PYROXD2: variants seen among roughly 807,000 people sequenced by gnomAD.
The protein encoded by PYROXD2 is pyridine nucleotide-disulfide oxidoreductase domain-containing protein 2.
A neutral mutation model predicts 71.1 loss-of-function variants in PYROXD2; 69 were observed. That is an observed-to-expected ratio of 0.97 (90% CI 0.80 to 1.19). PYROXD2 has a LOEUF of 1.19. Ranked by LOEUF, PYROXD2 falls within the 50% of genes most tolerant of loss-of-function variation. PYROXD2 has a pLI of 0.00. For missense variants in PYROXD2, 745 were observed against 748.9 expected, an observed-to-expected ratio of 0.99 and a Z score of 0.06; for synonymous variants, 287 against 302.7, an observed-to-expected ratio of 0.95 and a Z score of 0.54.
At chr10:98,385,494 C>T (rs1842721255) in intron 14 of PYROXD2, among the ~76,000 whole-genome samples, 1 of 152,274 alleles carries the variant, frequency 6.6e-6, no homozygotes, top group Admixed American at 6.5e-5. Context: ...GAATGGCAGA[C>T]AAGGGGCAAC....
At chr10:98,405,108 C>G (rs762154428) in intron 4 of PYROXD2, among the ~76,000 whole-genome samples, 6 of 152,184 alleles carry the variant, frequency 3.9e-5, no homozygotes, top group Admixed American at 2.6e-4. Flanking sequence ...CTCCACACCC[C>G]CTTCTCCACC....
In PYROXD2 at chr10:98,397,318, T is replaced by C. The variant is rs775162309; in HGVS notation, c.625+27A>G. 3 of 1,554,856 alleles carry C rather than the reference T, an allele frequency of 1.9e-6. No individual in the cohort carries two copies. The South Asian group carries it at 3.6e-5, about 19-fold the overall frequency. The stretch of plus-strand genomic sequence containing the variant: ...TCACCTCCTTGAAGGTCACTCATCA[T>C]GCCCTGGTGCCTGCACTTGGACTTA... On this transcript the variant is annotated intron_variant, in intron 6 of 15. Coordinates refer to ENST00000370575, the MANE Select transcript of PYROXD2 (RefSeq NM_032709.3).
At chr10:98,392,727 C>T (rs914483955) in intron 9 of PYROXD2, among the ~76,000 whole-genome samples, 161 bp from the exon 10 acceptor site, 6 of 152,214 alleles carry the variant, frequency 3.9e-5, no homozygotes, top group African/African-American at 1.4e-4. Flanking sequence ...GCCTCAGCTT[C>T]TCCATGAAAC....
chr10:98,386,217 G>A (rs529835927), intron 14 of PYROXD2, among the ~76,000 whole-genome samples: 354 of 151,804 alleles, frequency 2.3e-3, no homozygotes, highest in Non-Finnish European at 4.5e-3. Flanking sequence ...AGAGGTCGAG[G>A]CTGCAGTGAG....
chr10:98,401,653 T>C (rs919508025), intron 4 of PYROXD2, among the ~76,000 whole-genome samples: 9 of 152,210 alleles, frequency 5.9e-5, no homozygotes. Context: ...TTTCTGTTTT[T>C]AAAATTTTTT....
At chr10:98,413,107 A>G (rs923267487) in intron 1 of PYROXD2, among the ~76,000 whole-genome samples, 11 of 152,226 alleles carry the variant, frequency 7.2e-5, no homozygotes, top group South Asian at 4.1e-4. Context: ...CTCTATGTAC[A>G]TATCTGCATG....
Position 98,390,273 on chromosome 10 carries a change from C to T in PYROXD2, c.1292+325G>A, listed in dbSNP as rs111785903. ...GACTCGGTGAGTGCGTGCTCTCTGA[C>T]GGGCTCTGAATGAGAGAACTTCCTT... On this transcript the variant is annotated intron_variant, in intron 12 of 15. Transcript: ENST00000370575. 4.2e-3 allele frequency among the ~76,000 whole-genome samples: 646 copies of T among 152,246 alleles called. 2 individuals are homozygous for T. The highest frequency in any genetic ancestry group is 0.015 in the African/African-American group (618 of 41,536).
At chr10:98,396,462 A>G (rs1258832471) in intron 6 of PYROXD2, among the ~76,000 whole-genome samples, 1 of 150,894 alleles carries the variant, frequency 6.6e-6, no homozygotes, top group Non-Finnish European at 1.5e-5. Context: ...GACATGTGGG[A>G]AACAAATGAT....
At chr10:98,388,235 C>T (rs1477024856) in intron 13 of PYROXD2, 119 bp downstream of exon 13, 6 of 994,280 alleles carry the variant, frequency 6.0e-6, no homozygotes, top group East Asian at 5.0e-5. Context: ...TGACTATTTC[C>T]TCCCTTTGGA....
At chr10:98,394,500 G>C (rs1843078188) in intron 8 of PYROXD2, among the ~76,000 whole-genome samples, 1 of 151,328 alleles carries the variant, frequency 6.6e-6, no homozygotes, top group African/African-American at 2.4e-5. Flanking sequence ...GTATCTTCTG[G>C]TGCACTGGAA....
chr10:98,394,435 C>T (rs1290011742), intron 8 of PYROXD2, among the ~76,000 whole-genome samples: 2 of 152,060 alleles, frequency 1.3e-5, no homozygotes, highest in South Asian at 2.1e-4. Context: ...CGAGGGTGTG[C>T]TCATCCCTTG....
rs149674029 is a variant in PYROXD2, at chr10:98,393,849, C to G, written c.786-766G>C. On this transcript the variant is annotated intron_variant, in intron 8 of 15. Coordinates refer to ENST00000370575, the MANE Select transcript of PYROXD2 (RefSeq NM_032709.3). ...CAGCCTCATCCCTCATCCTGTCCCC[C>G]TATCCATATCCCATCCTCCTAACTA... Among the ~76,000 whole-genome samples, 9 of 152,266 alleles carry G rather than the reference C, an allele frequency of 5.9e-5. No homozygotes were observed. The East Asian group carries it at 1.5e-3, about 26-fold the overall frequency.
At chr10:98,403,087 C>T (rs574749966) in intron 4 of PYROXD2, among the ~76,000 whole-genome samples, 1 of 152,288 alleles carries the variant, frequency 6.6e-6, no homozygotes, top group East Asian at 1.9e-4. Flanking sequence ...GCAGGCTCGC[C>T]GCAGCTCTGG....
At chr10:98,387,417 G>T in intron 13 of PYROXD2, 110 bp from the exon 14 acceptor site, 1 of 705,704 alleles carries the variant, frequency 1.4e-6, no homozygotes, top group Non-Finnish European at 2.4e-6. Flanking sequence ...CACAGAAATG[G>T]GCTTATTTTA....
intron 14 of PYROXD2, 142 bp downstream of exon 14, chr10:98,387,059 C>T: frequency 3.3e-6 from 2 of 604,602 alleles, no homozygotes; most frequent in Non-Finnish European, 5.7e-6. Context: ...TCTGCCCTCT[C>T]TCAGCCGGGG....
At chr10:98,396,010 G>T (rs1278083991) in intron 6 of PYROXD2, among the ~76,000 whole-genome samples, 1 of 152,170 alleles carries the variant, frequency 6.6e-6, no homozygotes, top group African/African-American at 2.4e-5. Flanking sequence ...CTCAATAAAT[G>T]TTTTTTGCCT....
At position 98,410,962 on chromosome 10, in the gene PYROXD2, C is replaced by T. The variant is rs1178726939; in HGVS notation, c.128-4G>A. 4 of 1,562,960 alleles carry T rather than the reference C, an allele frequency of 2.6e-6. No individual in the cohort carries two copies. In the South Asian group the frequency reaches 4.7e-5, roughly 18 times the overall value. On this transcript the variant is annotated splice_polypyrimidine_tract_variant and splice_region_variant and intron_variant, in intron 1 of 15. Transcript: ENST00000370575. ...ACAGCCACCAGTCCGTTGTGTCCTG[C>T]AACAAAACGGGACAGGGAAGGAAAA...
chr10:98,393,116 G>A, intron 8 of PYROXD2, 33 bp from the exon 9 acceptor site: 3 of 1,483,446 alleles, frequency 2.0e-6, no homozygotes, highest in Non-Finnish European at 2.7e-6. Context: ...AGATCCTGGA[G>A]GTGGGATCTC....
intron 2 of PYROXD2, among the ~76,000 whole-genome samples, chr10:98,410,453 GTC>G (rs1234230650): frequency 6.6e-6 from 1 of 152,176 alleles, no homozygotes; most frequent in Non-Finnish European, 1.5e-5. Context: ...GCTCCTCAAT[GTC>G]TCCAGGGCAC....
Sources: gnomAD v4.1 joint callset for allele counts (sites outside exome capture counted in the v4.1 genomes callset) on GRCh38, gnomAD v4.1.1 for gene constraint, MANE v1.5 for transcripts, NCBI Gene and HGNC (gene_info 2026-07-23, HGNC 2026-07-21) for gene names.